CLVS1: variants seen among roughly 807,000 people sequenced by gnomAD.
CLVS1 encodes clavesin 1, also known as clavesin-1.
A neutral mutation model predicts 33.1 loss-of-function variants in CLVS1; 10 were observed. That is an observed-to-expected ratio of 0.30 (90% CI 0.19 to 0.51). The LOEUF is 0.51. Ranked by LOEUF, CLVS1 falls within the 20% of genes least tolerant of loss-of-function variation. The pLI is 0.97. For missense variants in CLVS1, 343 were observed against 433.4 expected, an observed-to-expected ratio of 0.79 and a Z score of 1.85; for synonymous variants, 163 against 166.1, an observed-to-expected ratio of 0.98 and a Z score of 0.14.
At chr8:61,175,323 G>A (rs1163255199) in intron 2 of CLVS1, among the ~76,000 whole-genome samples, 2 of 152,162 alleles carry the variant, frequency 1.3e-5, no homozygotes, top group Admixed American at 6.5e-5. Context: ...CTTCTATCAT[G>A]TGAGGACACA....
At chr8:61,405,583 A>G (rs570795398) in intron 3 of CLVS1, among the ~76,000 whole-genome samples, 1 of 152,182 alleles carries the variant, frequency 6.6e-6, no homozygotes, top group Non-Finnish European at 1.5e-5. Context: ...AGACCTGCCT[A>G]AGTAACATAA....
intron 2 of CLVS1, among the ~76,000 whole-genome samples, chr8:61,201,900 C>T (rs1415104187): frequency 6.6e-6 from 1 of 152,176 alleles, no homozygotes; most frequent in Non-Finnish European, 1.5e-5. Flanking sequence ...CATGAGAGTA[C>T]ACCAAACAAA....
chr8:61,085,115 G>T (rs996204332), intron 1 of CLVS1, among the ~76,000 whole-genome samples: 2 of 152,202 alleles, frequency 1.3e-5, no homozygotes, highest in Non-Finnish European at 2.9e-5. Context: ...TATGAGAAAT[G>T]ATGCAGGTAT....
chr8:61,142,455 T>C (rs373543690), intron 2 of CLVS1, among the ~76,000 whole-genome samples: 3 of 152,354 alleles, frequency 2.0e-5, no homozygotes, highest in Non-Finnish European at 4.4e-5. Flanking sequence ...AATTGGGACG[T>C]TGGCCTTGCC....
In CLVS1 at chr8:61,476,998, C is replaced by G. The variant is rs201851846; in HGVS notation, c.977+18456C>G. Among the ~76,000 whole-genome samples the G allele has an allele frequency of 2.0e-5, 3 of 151,900 alleles. No homozygotes were observed. The East Asian group carries it at 5.8e-4, about 29-fold the overall frequency. ...TCAATACCTAATTTATTGAGAGTTT[C>G]TAGCATGAAGGTTGTTGAATTTTAT... On this transcript the variant is annotated intron_variant, in intron 5 of 5. Transcript: ENST00000325897.
At chr8:60,967,573 C>T in the CLVS1 span, 2 of 452,690 alleles carry the variant, frequency 4.4e-6, no homozygotes, top group Non-Finnish European at 8.9e-6. Context: ...GCATACTTAC[C>T]CTGTCGTCTG....
At chr8:61,482,600 GT>G (rs1818239520) in intron 5 of CLVS1, among the ~76,000 whole-genome samples, 1 of 152,182 alleles carries the variant, frequency 6.6e-6, no homozygotes, top group African/African-American at 2.4e-5. Context: ...GGAAGAAAGG[GT>G]ATTAGTGATT....
At chr8:61,349,208 C>CT (rs1812348819) in intron 2 of CLVS1, among the ~76,000 whole-genome samples, 1 of 151,904 alleles carries the variant, frequency 6.6e-6, no homozygotes, top group Non-Finnish European at 1.5e-5. Context: ...TGTGCAGAAG[C>CT]TTTTTAGTTT....
intron 5 of CLVS1, among the ~76,000 whole-genome samples, chr8:61,463,536 T>G (rs1381616752): frequency 6.6e-6 from 1 of 152,114 alleles, no homozygotes; most frequent in Non-Finnish European, 1.5e-5. Flanking sequence ...TAGAAGCCAT[T>G]GTAAGGTTAT....
At chr8:61,325,536 A>T (rs903650005) in intron 2 of CLVS1, among the ~76,000 whole-genome samples, 1 of 152,140 alleles carries the variant, frequency 6.6e-6, no homozygotes, top group Non-Finnish European at 1.5e-5. Flanking sequence ...TGTTCATGCC[A>T]TGCACCATAA....
intron 1 of CLVS1, among the ~76,000 whole-genome samples, chr8:61,081,687 C>T (rs1018286739): frequency 6.6e-6 from 1 of 152,178 alleles, no homozygotes; most frequent in African/African-American, 2.4e-5. Context: ...GAAGTCATCC[C>T]TTCCACAGTC....
At chr8:61,281,983 G>A (rs564431535) in intron 2 of CLVS1, among the ~76,000 whole-genome samples, 2 of 152,258 alleles carry the variant, frequency 1.3e-5, no homozygotes, top group South Asian at 2.1e-4. Context: ...AATGCCTTTT[G>A]AGAAAAGTGC....
chr8:61,284,648 T>C (rs562439588), upstream of CLVS1, among the ~76,000 whole-genome samples: 1 of 152,322 alleles, frequency 6.6e-6, no homozygotes, highest in East Asian at 1.9e-4. Context: ...GTTATTAAAG[T>C]GCAAATAAAG....
rs556784057 is a variant in CLVS1, at chr8:61,385,157, GAGA to G, written c.630+8383_630+8385del. 2.9e-4 allele frequency among the ~76,000 whole-genome samples: 44 copies of G among 152,262 alleles called. No individual in the cohort carries two copies. The South Asian group carries it at 8.7e-3, about 30-fold the overall frequency. On this transcript the variant is annotated intron_variant, in intron 3 of 5. Transcript: ENST00000325897. ...ACTTTCCGTTGGGCAAGATTTTCAC[GAGA>G]AGAATATATTAAGGGTCTTCAAATA...
chr8:61,000,115 G>A, the CLVS1 span, among the ~76,000 whole-genome samples: 1 of 152,200 alleles, frequency 6.6e-6, no homozygotes, highest in Non-Finnish European at 1.5e-5. Context: ...CTTAGGAAGA[G>A]ACTAACAATT....
intron 2 of CLVS1, among the ~76,000 whole-genome samples, chr8:61,363,918 G>A (rs74691149): frequency 3.3e-5 from 5 of 152,064 alleles, no homozygotes; most frequent in Non-Finnish European, 7.4e-5. Flanking sequence ...GTGTCTGTGG[G>A]CCCTTCTCTA....
intron 2 of CLVS1, among the ~76,000 whole-genome samples, chr8:61,335,969 C>T (rs183161467): frequency 6.6e-6 from 1 of 152,206 alleles, no homozygotes; most frequent in Non-Finnish European, 1.5e-5. Flanking sequence ...TTTGGAGGCT[C>T]ACAGGTTGGG....
the CLVS1 span, among the ~76,000 whole-genome samples, chr8:60,976,545 A>G: frequency 6.6e-6 from 1 of 152,200 alleles, no homozygotes; most frequent in East Asian, 1.9e-4. Context: ...CTAAATCAAA[A>G]TTAAGCACTA....
At chr8:61,375,407 C>T (rs538014103) in intron 2 of CLVS1, among the ~76,000 whole-genome samples, 10 of 151,972 alleles carry the variant, frequency 6.6e-5, no homozygotes, top group African/African-American at 1.4e-4. Context: ...CCCGCCACCA[C>T]GCCCAGCTAA....
Sources: gnomAD v4.1 joint callset for allele counts (sites outside exome capture counted in the v4.1 genomes callset) on GRCh38, gnomAD v4.1.1 for gene constraint, MANE v1.5 for transcripts, NCBI Gene and HGNC (gene_info 2026-07-23, HGNC 2026-07-21) for gene names.